DVL1: variants seen among roughly 807,000 people sequenced by gnomAD.
DVL1 encodes segment polarity protein dishevelled homolog DVL-1.
DVL1 carries 49 observed loss-of-function variants against 65.0 expected under a neutral mutation model. The observed-to-expected ratio is 0.75, with a 90% CI of 0.60 to 0.96. The LOEUF (loss-of-function observed/expected upper bound fraction) is 0.96, where lower values mean the gene tolerates loss of function less well. Among genes scored for constraint, DVL1 ranks in the 40% least tolerant of loss-of-function variants. The pLI is 0.00. For missense variants in DVL1, 1,197 were observed against 1,045.4 expected (o/e 1.15, Z -2.00); for synonymous variants, 608 against 433.9 (o/e 1.40, Z -4.99).
chr1:1,340,333 G>A lies in DVL1; in HGVS notation c.700-17C>T, dbSNP rs1335053637. ...GGAGGAGGCCTATGGAGGAGAGGGG[G>A]CGTGTGTAAAAGGCACGGGGCTGCC... On this transcript the variant is annotated splice_polypyrimidine_tract_variant and intron_variant, in intron 6 of 14. Transcript: ENST00000378888. The A allele has an allele frequency of 1.3e-5, 21 of 1,613,772 alleles. No homozygotes were observed. Among genetic ancestry groups the A allele is most frequent in the South Asian group, 3.3e-5 (3 of 91,084 alleles).
At chr1:1,342,980 C>A (rs773718552) in intron 1 of DVL1, among the ~76,000 whole-genome samples, 10 of 151,878 alleles carry the variant, frequency 6.6e-5, no homozygotes, top group Non-Finnish European at 1.3e-4. Flanking sequence ...CCCCTGCTAA[C>A]GCACTCTCCT....
chr1:1,339,659 C>A lies in DVL1; in HGVS notation c.987-10G>T, dbSNP rs201285495. Reference sequence around the variant, plus strand: ...AGTGAGGCTGATGGGCCTGCAGGAACGGTGGTCACACAGCAAGGCCCCCAT... The same window carrying A: ...AGTGAGGCTGATGGGCCTGCAGGAAAGGTGGTCACACAGCAAGGCCCCCAT... On this transcript the variant is annotated splice_polypyrimidine_tract_variant and intron_variant, in intron 9 of 14. Transcript: ENST00000378888. The A allele has an allele frequency of 6.2e-7, 1 of 1,611,438 alleles. No homozygotes were observed. The highest frequency in any genetic ancestry group is 2.2e-5 in the East Asian group (1 of 44,832).
Position 1,339,580 on chromosome 1 carries a change from AC to A in DVL1, c.1054+1del. The stretch of plus-strand genomic sequence containing the variant: ...GCCCCGTGTGCCCCGAGGGCCACTC[AC>A]CCCGTGGGACGGTGAAGTAGCTTCG... On this transcript the variant is annotated splice_donor_variant, in intron 10 of 14. Transcript: ENST00000378888. LOFTEE classifies it high-confidence loss of function. The A allele has an allele frequency of 1.2e-6, 2 of 1,604,276 alleles. No individual in the cohort carries two copies. Among genetic ancestry groups the A allele is most frequent in the Non-Finnish European group, 1.7e-6 (2 of 1,175,044 alleles).
chr1:1,340,097 T>C lies in DVL1; in HGVS notation c.850A>G (p.Met284Val), dbSNP rs1042535386. 6.2e-6 allele frequency: 10 copies of C among 1,612,898 alleles called. No individual in the cohort carries two copies. The highest frequency in any genetic ancestry group is 4.5e-5 in the East Asian group (2 of 44,862). ...TCAGCGGCCACAGCCCCGCCCTTCA[T>C]GATGGAGCCAATGTAGATGCCGCCG... ...GDGGIYIGSI[M>V]KGGAVAADGR... Residue 284 changes from methionine (M) to valine (V), a missense_variant, in exon 8 of 15, where the codon ATG becomes GTG. Met to Val is a conservative substitution (Grantham distance 21). Coordinates refer to ENST00000378888, the MANE Select transcript of DVL1 (RefSeq NM_001330311.2).
chr1:1,337,705 T>G, intron 14 of DVL1: 1 of 655,752 alleles, frequency 1.5e-6, no homozygotes, highest in East Asian at 3.0e-5. Flanking sequence ...GCTGCCCCTG[T>G]GTGAGACGCT....
chr1:1,340,797 C>A (rs970744614), intron 5 of DVL1, among the ~76,000 whole-genome samples: 11 of 150,864 alleles, frequency 7.3e-5, no homozygotes, highest in Non-Finnish European at 1.2e-4. Flanking sequence ...CGCACCCCTG[C>A]ACAAGGCACA....
At chr1:1,346,294 C>T (rs1363582977) in intron 1 of DVL1, among the ~76,000 whole-genome samples, 1 of 152,192 alleles carries the variant, frequency 6.6e-6, no homozygotes, top group Non-Finnish European at 1.5e-5. Flanking sequence ...ACCCATCCCC[C>T]AGTCCCAGGC....
At chr1:1,346,429 T>C (rs1240637647) in intron 1 of DVL1, among the ~76,000 whole-genome samples, 2 of 151,460 alleles carry the variant, frequency 1.3e-5, no homozygotes, top group African/African-American at 2.4e-5. Flanking sequence ...CCAAACACCC[T>C]CCCTCCTCTG....
chr1:1,340,375 T>A, intron 6 of DVL1, 35 bp downstream of exon 6: 2 of 1,611,028 alleles, frequency 1.2e-6, no homozygotes, highest in Non-Finnish European at 1.7e-6. Context: ...TGACTTCGCC[T>A]CCCCAGCCCC....
At chr1:1,338,856 A>T (rs1178583944) in intron 11 of DVL1, among the ~76,000 whole-genome samples, 1 of 152,170 alleles carries the variant, frequency 6.6e-6, no homozygotes, top group African/African-American at 2.4e-5. Context: ...TTAGTCTCCC[A>T]CTTCTACAGA....
intron 1 of DVL1, among the ~76,000 whole-genome samples, chr1:1,343,043 A>G (rs970152733): frequency 5.9e-5 from 9 of 151,416 alleles, no homozygotes; most frequent in Middle Eastern, 3.4e-3. Flanking sequence ...CCCCCCCAGC[A>G]TGGGGACAGT....
At position 1,338,630 on chromosome 1, in the gene DVL1, C is replaced by A. The variant is rs780523329; in HGVS notation, c.1231G>T (p.Val411Leu). ...APQLEEAPLT[V>L]KSDMSAVVRV... ...ACGACGGCGCTCATGTCACTCTTCA[C>A]CGTCAGCGGCGCCTCTTCCAGCTCT... Residue 411 changes from valine to leucine, a missense_variant, in exon 12 of 15, where the codon GTG becomes TTG. Coordinates refer to ENST00000378888, the MANE Select transcript of DVL1 (RefSeq NM_001330311.2). 4 of 1,611,104 alleles carry A rather than the reference C, an allele frequency of 2.5e-6. No homozygotes were observed. In the South Asian group the frequency reaches 4.4e-5, roughly 18 times the overall value.
Position 1,337,999 on chromosome 1 carries a change from G to C in DVL1, c.1692C>G (p.Ser564Arg). Residue 564 changes from serine to arginine, a missense_variant, in exon 14 of 15, where the codon AGC (serine) becomes AGG (arginine). Physicochemically the swap from Ser to Arg is moderately radical, Grantham distance 110. Coordinates refer to ENST00000378888, the MANE Select transcript of DVL1 (RefSeq NM_001330311.2). ...CACCTTCACTCTGCTGACTCCCGGT[G>C]CTGCCGCTGCCATAGCTAAAGCCCG... ...QDPGFSYGSG[S>R]TGSQQSEGSK... is the part of the protein sequence containing the mutation. 1 of 1,611,606 alleles carries C rather than the reference G, an allele frequency of 6.2e-7. No homozygotes were observed. Among genetic ancestry groups the C allele is most frequent in the East Asian group, 2.2e-5 (1 of 44,870 alleles).
Position 1,340,040 on chromosome 1 carries a change from G to A in DVL1, c.907C>T (p.Gln303Ter), listed in dbSNP as rs539765387. ...GRIEPGDMLL[Q>*]VNDVNFENMS... ...CCCCGCAGCCCCCACAGACACACCTGCAGCAACATGTCGCCGGGCTCGATG... is the reference window on the plus strand; with the variant it reads ...CCCCGCAGCCCCCACAGACACACCTACAGCAACATGTCGCCGGGCTCGATG... The change falls in exon 8 of 15, where the codon CAG becomes TAG. Residue 303 changes from glutamine (Q) to a stop codon, truncating the protein, a stop_gained and splice_region_variant. Transcript: ENST00000378888. LOFTEE classifies it high-confidence loss of function. 1 of 1,611,474 alleles carries A rather than the reference G, an allele frequency of 6.2e-7. No individual in the cohort carries two copies. The highest frequency in any genetic ancestry group is 8.5e-7 in the Non-Finnish European group (1 of 1,179,400).
intron 5 of DVL1, among the ~76,000 whole-genome samples, chr1:1,340,843 AAC>A (rs199625102): frequency 0.014 from 1,944 of 143,400 alleles, 51 homozygotes; most frequent in African/African-American, 0.049. Context: ...GCACACACGC[AAC>A]CCTGCACACA....
In DVL1 at chr1:1,347,513, A is replaced by AG. The variant is rs1278481239; in HGVS notation, c.170+1382dup. 2.0e-5 allele frequency among the ~76,000 whole-genome samples: 3 copies of AG among 152,382 alleles called. No homozygotes were observed. In the East Asian group the frequency reaches 5.8e-4, roughly 29 times the overall value. On this transcript the variant is annotated intron_variant, in intron 1 of 14. Coordinates refer to ENST00000378888, the MANE Select transcript of DVL1 (RefSeq NM_001330311.2). ...TCATCCCAGAGCATGGTCCAGGAGC[A>AG]GAACCTGGGGGCTGGGCACCTCCTC...
intron 1 of DVL1, among the ~76,000 whole-genome samples, chr1:1,345,810 C>T (rs1450647542): frequency 2.0e-5 from 3 of 152,178 alleles, no homozygotes; most frequent in Non-Finnish European, 2.9e-5. Flanking sequence ...CCAGGACAGG[C>T]GGTGCAGAGC....
intron 1 of DVL1, among the ~76,000 whole-genome samples, chr1:1,343,144 G>C (rs1244717381): frequency 6.6e-6 from 1 of 152,154 alleles, no homozygotes; most frequent in South Asian, 2.1e-4. Flanking sequence ...AGGACAGCTA[G>C]GGTGAGGCCT....
intron 1 of DVL1, among the ~76,000 whole-genome samples, chr1:1,347,841 C>T (rs1643941483): frequency 6.6e-6 from 1 of 152,198 alleles, no homozygotes; most frequent in Non-Finnish European, 1.5e-5. Flanking sequence ...GCACCCTGCC[C>T]TCTCTGCTTT....
Sources: gnomAD v4.1 joint callset for allele counts (sites outside exome capture counted in the v4.1 genomes callset) on GRCh38, gnomAD v4.1.1 for gene constraint, MANE v1.5 for transcripts, NCBI Gene and HGNC (gene_info 2026-07-23, HGNC 2026-07-21) for gene names.